Variants in NEDD4 observed in about 807,000 individuals in gnomAD.
NEDD4 encodes E3 ubiquitin-protein ligase NEDD4.
Under a neutral mutation model 144.9 loss-of-function variants are expected in NEDD4, and 99 were observed. The observed-to-expected ratio is 0.68, with a 90% CI of 0.58 to 0.81. The LOEUF (loss-of-function observed/expected upper bound fraction) is 0.81. Among genes scored for constraint, NEDD4 ranks in the 30% least tolerant of loss-of-function variants. NEDD4 has a pLI of 0.00. For synonymous variants in NEDD4, 318 were observed against 350.6 expected (o/e 0.91, Z 1.04); for missense variants, 985 against 1,065.9 (o/e 0.92, Z 1.06).
intron 1 of NEDD4, among the ~76,000 whole-genome samples, chr15:55,967,705 A>AT (rs1486637782): frequency 6.8e-6 from 1 of 147,480 alleles, no homozygotes; most frequent in African/African-American, 2.5e-5. Flanking sequence ...AATAAGAAAT[A>AT]TAAAAAAACT....
In NEDD4 at chr15:55,972,419, C is replaced by T. The variant is rs114792903; in HGVS notation, c.46-5873G>A. Among the ~76,000 whole-genome samples the T allele has an allele frequency of 5.7e-3, 872 of 152,138 alleles. 6 individuals carry two copies. The highest frequency in any genetic ancestry group is 0.02 in the African/African-American group (829 of 41,504). On this transcript the variant is annotated intron_variant, in intron 1 of 28. Coordinates refer to ENST00000435532, the MANE Select transcript of NEDD4 (RefSeq NM_006154.4). ...AGAGTTTTTATTAGTTTTCTCTTTT[C>T]CTGTTTGTTTTTGCAATCAGAGTTA...
At chr15:55,848,596 C>T in intron 15 of NEDD4, 21 bp from the exon 16 acceptor site, 1 of 1,601,572 alleles carries the variant, frequency 6.2e-7, no homozygotes, top group South Asian at 1.1e-5. Flanking sequence ...AAATGTATTT[C>T]AATTATTTTA....
intron 5 of NEDD4, chr15:55,915,671 T>C (rs1180357541): frequency 6.2e-7 from 1 of 1,614,020 alleles, no homozygotes; most frequent in Non-Finnish European, 8.5e-7. Flanking sequence ...CACAGTCTAA[T>C]GTAGCTGCTT....
intron 2 of NEDD4, among the ~76,000 whole-genome samples, chr15:55,963,189 T>A (rs984013298): frequency 2.0e-5 from 3 of 149,648 alleles, no homozygotes; most frequent in African/African-American, 7.4e-5. Context: ...TGGAGTGCAG[T>A]GGCAAAATCA....
chr15:55,939,654 T>G (rs1274826916), intron 4 of NEDD4, among the ~76,000 whole-genome samples: 1 of 152,200 alleles, frequency 6.6e-6, no homozygotes, highest in Admixed American at 6.5e-5. Context: ...CCACACCTGT[T>G]AGGATGACTA....
At chr15:55,877,411 G>A (rs911435787) in intron 5 of NEDD4, among the ~76,000 whole-genome samples, 1 of 152,182 alleles carries the variant, frequency 6.6e-6, no homozygotes, top group Non-Finnish European at 1.5e-5. Context: ...GGTGATGCTT[G>A]TGCCCTTCTC....
At chr15:55,937,858 A>G (rs1377816714) in intron 4 of NEDD4, among the ~76,000 whole-genome samples, 1 of 152,250 alleles carries the variant, frequency 6.6e-6, no homozygotes, top group Non-Finnish European at 1.5e-5. Context: ...AAGACCCTGC[A>G]TCTTGAGAAA....
At chr15:55,970,053 G>GACCA (rs2037581573) in intron 1 of NEDD4, among the ~76,000 whole-genome samples, 3 of 152,122 alleles carry the variant, frequency 2.0e-5, no homozygotes, top group Non-Finnish European at 4.4e-5. Context: ...GAGAGACCCA[G>GACCA]GCCTGGCAGG....
chr15:55,960,590 G>C (rs2037408574), intron 2 of NEDD4, among the ~76,000 whole-genome samples: 2 of 152,176 alleles, frequency 1.3e-5, no homozygotes, highest in Non-Finnish European at 2.9e-5. Flanking sequence ...TTGCTCCGCA[G>C]CTTGCAGATG....
chr15:55,874,367 T>G (rs62043792), intron 5 of NEDD4, among the ~76,000 whole-genome samples: 14,054 of 152,136 alleles, frequency 0.092, 724 homozygotes, highest in Middle Eastern at 0.15. Flanking sequence ...TCTAGTAGTA[T>G]TCTACAGTCC....
At position 55,848,895 on chromosome 15, in the gene NEDD4, G is replaced by A; in HGVS notation, c.1348-9C>T. 1 of 1,609,550 alleles carries A rather than the reference G, an allele frequency of 6.2e-7. No individual in the cohort carries two copies. Among genetic ancestry groups the A allele is most frequent in the Non-Finnish European group, 8.5e-7 (1 of 1,176,202 alleles). ...TTCAATCTTGGATCTTCCTTTTTTG[G>A]TAGAGTAAATAAAGAACAATACACA... On this transcript the variant is annotated splice_polypyrimidine_tract_variant and intron_variant, in intron 14 of 28. Coordinates refer to ENST00000435532, the MANE Select transcript of NEDD4 (RefSeq NM_006154.4).
At chr15:55,917,015 G>A (rs1159626049) in intron 5 of NEDD4, 1 of 1,320,816 alleles carries the variant, frequency 7.6e-7, no homozygotes, top group South Asian at 2.5e-5. Flanking sequence ...GAAAGAAAAA[G>A]ACGACCCATT....
chr15:55,860,316 G>T, intron 11 of NEDD4, 91 bp downstream of exon 11: 1 of 1,323,296 alleles, frequency 7.6e-7, no homozygotes, highest in African/African-American at 1.5e-5. Flanking sequence ...TTGCATTTAA[G>T]ACAAAATTTT....
At chr15:55,977,295 G>T (rs998657738) in intron 1 of NEDD4, among the ~76,000 whole-genome samples, 6 of 152,096 alleles carry the variant, frequency 3.9e-5, no homozygotes, top group Non-Finnish European at 8.8e-5. Flanking sequence ...TATTACTAAT[G>T]CATACAGTAT....
intron 28 of NEDD4, 98 bp downstream of exon 28, chr15:55,830,416 G>T: frequency 1.9e-6 from 2 of 1,065,712 alleles, no homozygotes; most frequent in South Asian, 1.3e-5. Context: ...ACCTGCCACC[G>T]ACATAACACA....
rs1357088987 is a variant in NEDD4, at chr15:55,951,556, T to G, written c.153A>C (p.Pro51=). The G allele has an allele frequency of 6.5e-7, 1 of 1,530,996 alleles. No homozygotes were observed. 94.8% of individuals were successfully genotyped at this position (1,530,996 alleles called of 1,614,324 possible). A position where few individuals can be genotyped will look rare whatever the true frequency, so the allele number is the denominator to read the frequency against. ...DPYVRVTLYD[P]MNGVLTSVQT... is the part of the protein sequence containing the mutation. ...GCACACTTGTAAGAACTCCATTCATTGGGTCATATAACGTCACTCTCACGT... is the reference window on the plus strand; with the variant it reads ...GCACACTTGTAAGAACTCCATTCATGGGGTCATATAACGTCACTCTCACGT... Residue 51 remains proline, a synonymous_variant, in exon 3 of 29, where the codon CCA becomes CCC. Transcript: ENST00000435532.
intron 1 of NEDD4, among the ~76,000 whole-genome samples, chr15:55,993,033 G>A (rs1479430377): frequency 6.6e-6 from 1 of 152,160 alleles, no homozygotes; most frequent in Non-Finnish European, 1.5e-5. Flanking sequence ...ACAAACCAGC[G>A]AATGACAATT....
At chr15:55,963,955 T>C (rs1347194565) in intron 2 of NEDD4, among the ~76,000 whole-genome samples, 1 of 152,180 alleles carries the variant, frequency 6.6e-6, no homozygotes, top group African/African-American at 2.4e-5. Flanking sequence ...TCTCCGTAGT[T>C]TTGGGTAGGA....
At chr15:55,854,914 G>A (rs10518823) in intron 12 of NEDD4, among the ~76,000 whole-genome samples, 10,067 of 152,214 alleles carry the variant, frequency 0.066, 435 homozygotes, top group Non-Finnish European at 0.098. Context: ...ATGTCTGTCA[G>A]TCAATGAGAA....
Sources: allele counts gnomAD v4.1 joint callset (sites outside exome capture counted in the v4.1 genomes callset), GRCh38; gene constraint gnomAD v4.1.1; transcripts MANE v1.5; gene names NCBI Gene and HGNC (gene_info 2026-07-23, HGNC 2026-07-21).